Variants in ITGA9 observed in about 807,000 individuals in gnomAD.
ITGA9 encodes integrin subunit alpha 9, also known as integrin alpha-9.
A neutral mutation model predicts 127.8 loss-of-function variants in ITGA9; 56 were observed. The observed-to-expected ratio is 0.44, with a 90% CI of 0.35 to 0.55. The LOEUF is 0.55. ITGA9 is among the 20% of genes least tolerant of loss of function. The probability of loss-of-function intolerance (pLI) is 0.00; values close to 1 mark genes in which losing one functional copy is unlikely to be tolerated. For synonymous variants in ITGA9, 508 were observed against 514.5 expected, an observed-to-expected ratio of 0.99 and a Z score of 0.17; for missense variants, 1,196 against 1,347.1, an observed-to-expected ratio of 0.89 and a Z score of 1.76.
chr3:37,618,041 A>G (rs552655868), intron 15 of ITGA9, among the ~76,000 whole-genome samples: 1 of 152,154 alleles, frequency 6.6e-6, no homozygotes, highest in Non-Finnish European at 1.5e-5. Context: ...AGGCACTCTC[A>G]TTTTTAGAGT....
intron 23 of ITGA9, among the ~76,000 whole-genome samples, chr3:37,755,341 C>T (rs1438223796): frequency 6.6e-6 from 1 of 152,112 alleles, no homozygotes. Flanking sequence ...CAGAGGCAGG[C>T]TCAGTCAATA....
At chr3:37,559,863 A>G (rs1477741947) in intron 15 of ITGA9, among the ~76,000 whole-genome samples, 1 of 152,240 alleles carries the variant, frequency 6.6e-6, no homozygotes. Flanking sequence ...CCTTCTGCCC[A>G]GAATTGAGGT....
At chr3:37,571,467 C>T (rs1699601602) in intron 15 of ITGA9, among the ~76,000 whole-genome samples, 3 of 152,208 alleles carry the variant, frequency 2.0e-5, no homozygotes, top group Admixed American at 2.0e-4. Flanking sequence ...ACAAGATGAA[C>T]TAGAGCCCTC....
At chr3:37,513,964 T>C (rs535999037) in intron 9 of ITGA9, 64 bp downstream of exon 9, 1 of 1,601,644 alleles carries the variant, frequency 6.2e-7, no homozygotes, top group Non-Finnish European at 8.5e-7. Context: ...CAGCCAGCAG[T>C]GGCCGAGCAC....
At chr3:37,561,253 T>A (rs898212795) in intron 15 of ITGA9, among the ~76,000 whole-genome samples, 2 of 152,190 alleles carry the variant, frequency 1.3e-5, no homozygotes, top group Non-Finnish European at 2.9e-5. Flanking sequence ...AATGAAATAT[T>A]TGCCTTCTTT....
intron 14 of ITGA9, among the ~76,000 whole-genome samples, chr3:37,533,971 G>A (rs974077969): frequency 3.0e-4 from 46 of 152,298 alleles, no homozygotes; most frequent in African/African-American, 9.1e-4. Context: ...CTAAAAGAGG[G>A]GTGCTGCTTT....
chr3:37,522,515 T>C (rs1699054321), intron 11 of ITGA9, among the ~76,000 whole-genome samples: 1 of 152,042 alleles, frequency 6.6e-6, no homozygotes, highest in African/African-American at 2.4e-5. Flanking sequence ...CGTTTGAGGC[T>C]TGGAGTTTGA....
chr3:37,754,554 T>G (rs1696627623), intron 23 of ITGA9, among the ~76,000 whole-genome samples: 1 of 152,228 alleles, frequency 6.6e-6, no homozygotes, highest in Admixed American at 6.5e-5. Flanking sequence ...GCTTGTTGTT[T>G]TCTTGCTATG....
chr3:37,737,095 G>T (rs1575214256), intron 20 of ITGA9, 112 bp downstream of exon 20: 8 of 788,166 alleles, frequency 1.0e-5, no homozygotes, highest in South Asian at 4.3e-5. Context: ...AGGAAGAAAT[G>T]GTTACTCAGT....
intron 13 of ITGA9, among the ~76,000 whole-genome samples, chr3:37,530,600 C>A (rs1333198037): frequency 1.3e-5 from 2 of 152,004 alleles, no homozygotes; most frequent in Non-Finnish European, 2.9e-5. Context: ...TTGCAGAAGG[C>A]CAAGGCACCT....
At chr3:37,787,281 G>A (rs1167325729) in intron 26 of ITGA9, among the ~76,000 whole-genome samples, 1 of 112,770 alleles carries the variant, frequency 8.9e-6, no homozygotes, top group Non-Finnish European at 1.9e-5. Flanking sequence ...AATCCCTTGT[G>A]TAGATGAAAA....
chr3:37,812,503 T>G (rs1188408838), intron 27 of ITGA9, among the ~76,000 whole-genome samples: 3 of 152,248 alleles, frequency 2.0e-5, no homozygotes, highest in African/African-American at 7.2e-5. Flanking sequence ...TCAGGCCTCA[T>G]GCCTCACGCA....
intron 15 of ITGA9, among the ~76,000 whole-genome samples, chr3:37,578,321 T>C (rs545327642): frequency 6.6e-6 from 1 of 152,330 alleles, no homozygotes; most frequent in Admixed American, 6.5e-5. Flanking sequence ...ATGTGCCTTA[T>C]AGGCCAGTGT....
intron 16 of ITGA9, among the ~76,000 whole-genome samples, chr3:37,630,315 G>A (rs901744194): frequency 6.6e-6 from 1 of 152,196 alleles, no homozygotes; most frequent in Non-Finnish European, 1.5e-5. Flanking sequence ...ATCATCCTAA[G>A]TGGGGTTCCC....
At chr3:37,589,072 C>T (rs1049363626) in intron 15 of ITGA9, among the ~76,000 whole-genome samples, 3 of 152,188 alleles carry the variant, frequency 2.0e-5, no homozygotes, top group African/African-American at 7.2e-5. Context: ...GATTTTTGTT[C>T]AACTGGAGCC....
At chr3:37,504,884 G>T (rs772060777) in intron 6 of ITGA9, among the ~76,000 whole-genome samples, 11 of 152,222 alleles carry the variant, frequency 7.2e-5, no homozygotes, top group Non-Finnish European at 1.5e-4. Context: ...GGGTTAGAGG[G>T]TGATGACAAG....
chr3:37,513,826 C>T lies in ITGA9; in HGVS notation c.961C>T (p.Leu321=), dbSNP rs999592863. The T allele has an allele frequency of 1.2e-6, 2 of 1,613,958 alleles. No individual in the cohort carries two copies. Among genetic ancestry groups the T allele is most frequent in the Non-Finnish European group, 8.5e-7 (1 of 1,180,028 alleles). The change falls in exon 9 of 28, where the codon CTG becomes TTG. Residue 321 remains leucine (L), a synonymous_variant. Coordinates refer to ENST00000264741, the MANE Select transcript of ITGA9 (RefSeq NM_002207.3). ...CCTGAATGGGGACGGCCTCTCTGAC[C>T]TGCTGGTGGGGGCCCCCATGTTTTC... ...VDLNGDGLSD[L]LVGAPMFSEI...
chr3:37,786,574 C>T (rs143784582), intron 26 of ITGA9, among the ~76,000 whole-genome samples: 54 of 151,516 alleles, frequency 3.6e-4, no homozygotes, highest in African/African-American at 1.2e-3. Flanking sequence ...GCCTGGGCAA[C>T]GGAGTAAGAC....
chr3:37,531,086 G>T (rs960271500), intron 13 of ITGA9, among the ~76,000 whole-genome samples: 1 of 151,910 alleles, frequency 6.6e-6, no homozygotes, highest in African/African-American at 2.4e-5. Context: ...AGCACTGAAA[G>T]CGCTTGTGGT....
Sources: gnomAD v4.1 joint callset for allele counts (sites outside exome capture counted in the v4.1 genomes callset) on GRCh38, gnomAD v4.1.1 for gene constraint, MANE v1.5 for transcripts, NCBI Gene and HGNC (gene_info 2026-07-23, HGNC 2026-07-21) for gene names.